NKAIN2: variants seen among roughly 807,000 people sequenced by gnomAD.
The protein encoded by NKAIN2 is sodium/potassium transporting ATPase interacting 2, also known as sodium/potassium-transporting ATPase subunit beta-1-interacting protein 2.
In NKAIN2, 14 loss-of-function variants were observed where a neutral mutation model predicts 32.6. The ratio of observed to expected loss-of-function variants is 0.43; its 90% CI spans 0.28 to 0.67. NKAIN2 has a LOEUF of 0.67. Among genes scored for constraint, NKAIN2 ranks in the 30% least tolerant of loss-of-function variants. The probability of loss-of-function intolerance (pLI) is 0.17; values close to 1 mark genes in which losing one functional copy is unlikely to be tolerated. For synonymous variants in NKAIN2, 80 were observed against 87.2 expected, an observed-to-expected ratio of 0.92 and a Z score of 0.46; for missense variants, 198 against 258.3, an observed-to-expected ratio of 0.77 and a Z score of 1.60.
At chr6:124,094,492 T>C (rs1784568205) in intron 1 of NKAIN2, among the ~76,000 whole-genome samples, 1 of 152,126 alleles carries the variant, frequency 6.6e-6, no homozygotes. Context: ...GGAATCCACA[T>C]GTTAGGTGCT....
intron 3 of NKAIN2, among the ~76,000 whole-genome samples, chr6:124,399,034 C>A (rs764150781): frequency 3.3e-5 from 5 of 152,078 alleles, no homozygotes; most frequent in South Asian, 2.1e-4. Context: ...TCAAGTGATT[C>A]TCTTGCCTCA....
intron 3 of NKAIN2, among the ~76,000 whole-genome samples, chr6:124,414,000 A>C (rs1386277996): frequency 6.7e-6 from 1 of 149,904 alleles, no homozygotes; most frequent in Non-Finnish European, 1.5e-5. Context: ...TTTCTGTTGA[A>C]CCTGAATACT....
At chr6:124,710,085 T>C (rs1373940487) in intron 4 of NKAIN2, among the ~76,000 whole-genome samples, 3 of 151,802 alleles carry the variant, frequency 2.0e-5, no homozygotes, top group Non-Finnish European at 4.4e-5. Flanking sequence ...CATTTTGTTA[T>C]GTACCCAGTA....
intron 1 of NKAIN2, among the ~76,000 whole-genome samples, chr6:124,035,326 A>G (rs978986585): frequency 4.6e-5 from 7 of 152,148 alleles, no homozygotes; most frequent in Admixed American, 2.0e-4. Flanking sequence ...AGCACATTTT[A>G]TGGATATGAC....
At chr6:123,857,641 A>C (rs563509728) in intron 1 of NKAIN2, among the ~76,000 whole-genome samples, 1 of 150,664 alleles carries the variant, frequency 6.6e-6, no homozygotes, top group Non-Finnish European at 1.5e-5. Flanking sequence ...TCAGAAATTC[A>C]TTTAATGCAG....
At chr6:123,996,924 A>G (rs1178672420) in intron 1 of NKAIN2, among the ~76,000 whole-genome samples, 1 of 152,224 alleles carries the variant, frequency 6.6e-6, no homozygotes, top group Non-Finnish European at 1.5e-5. Context: ...ATGGAAAAAT[A>G]ACATTTTAGT....
At chr6:124,407,722 G>T (rs1773932652) in intron 3 of NKAIN2, among the ~76,000 whole-genome samples, 1 of 151,726 alleles carries the variant, frequency 6.6e-6, no homozygotes, top group South Asian at 2.1e-4. Context: ...GTAATGAGAT[G>T]GCTGGGTCAA....
At chr6:123,822,222 A>C (rs758882441) in intron 1 of NKAIN2, among the ~76,000 whole-genome samples, 22 of 152,094 alleles carry the variant, frequency 1.4e-4, no homozygotes, top group Non-Finnish European at 2.9e-4. Flanking sequence ...AAAAACTCCT[A>C]GTGTTCTGAC....
intron 1 of NKAIN2, among the ~76,000 whole-genome samples, chr6:123,895,187 TCTCTCACACAGACA>T: frequency 6.6e-6 from 1 of 151,498 alleles, no homozygotes; most frequent in East Asian, 1.9e-4. Flanking sequence ...TCTCTCTGTC[TCTCTCACACAGACA>T]CACACACACA....
chr6:124,678,968 T>A (rs1335151764), intron 4 of NKAIN2, among the ~76,000 whole-genome samples: 5 of 152,156 alleles, frequency 3.3e-5, no homozygotes, highest in African/African-American at 1.2e-4. Flanking sequence ...TTTCATTTTT[T>A]CCAGCAGTTT....
chr6:124,025,277 C>T (rs1354947656), intron 1 of NKAIN2, among the ~76,000 whole-genome samples: 5 of 152,104 alleles, frequency 3.3e-5, no homozygotes, highest in African/African-American at 1.2e-4. Flanking sequence ...GTACTCAACT[C>T]ACAAATAGTG....
chr6:123,945,836 A>T (rs763598550), intron 1 of NKAIN2, among the ~76,000 whole-genome samples: 2 of 152,164 alleles, frequency 1.3e-5, no homozygotes, highest in African/African-American at 2.4e-5. Flanking sequence ...TATATTTAGA[A>T]CGTTTAACCC....
intron 3 of NKAIN2, among the ~76,000 whole-genome samples, chr6:124,375,408 A>T (rs1187535815): frequency 6.8e-6 from 1 of 147,816 alleles, no homozygotes; most frequent in Non-Finnish European, 1.5e-5. Context: ...TAAATTATAT[A>T]TATATGTATA....
chr6:124,262,994 A>C (rs2114849022), intron 1 of NKAIN2, among the ~76,000 whole-genome samples: 1 of 152,336 alleles, frequency 6.6e-6, no homozygotes, highest in Middle Eastern at 3.4e-3. Flanking sequence ...GTATTAAATT[A>C]ATGAAGCATA....
At chr6:124,345,785 G>C (rs1798392046) in intron 2 of NKAIN2, among the ~76,000 whole-genome samples, 1 of 151,978 alleles carries the variant, frequency 6.6e-6, no homozygotes, top group Non-Finnish European at 1.5e-5. Context: ...CAAAAAACCA[G>C]CTCCTGGATT....
At chr6:124,106,661 C>G (rs566998476) in intron 1 of NKAIN2, among the ~76,000 whole-genome samples, 13 of 152,288 alleles carry the variant, frequency 8.5e-5, no homozygotes, top group African/African-American at 2.9e-4. Context: ...TGGTGATGTG[C>G]TTTATGACTG....
At chr6:124,190,127 G>T (rs1234446655) in intron 1 of NKAIN2, among the ~76,000 whole-genome samples, 5 of 152,174 alleles carry the variant, frequency 3.3e-5, no homozygotes, top group Admixed American at 6.6e-5. Context: ...CATAGACAGG[G>T]TTACACGTAT....
At chr6:124,396,428 T>TAA (rs529161089) in intron 3 of NKAIN2, among the ~76,000 whole-genome samples, 3,018 of 129,514 alleles carry the variant, frequency 0.023, 48 homozygotes, top group Non-Finnish European at 0.035. Flanking sequence ...GCTATTTGAT[T>TAA]AAAAAAAAAA....
intron 4 of NKAIN2, among the ~76,000 whole-genome samples, chr6:124,671,688 T>C (rs1307365851): frequency 6.6e-6 from 1 of 152,048 alleles, no homozygotes; most frequent in Non-Finnish European, 1.5e-5. Context: ...TGATAAAAAT[T>C]TCACCATCCC....
Sources: gnomAD v4.1 joint callset for allele counts (sites outside exome capture counted in the v4.1 genomes callset) on GRCh38, gnomAD v4.1.1 for gene constraint, MANE v1.5 for transcripts, NCBI Gene and HGNC (gene_info 2026-07-23, HGNC 2026-07-21) for gene names.